LRBA: variants seen among roughly 807,000 people sequenced by gnomAD.
The protein encoded by LRBA is lipopolysaccharide-responsive and beige-like anchor protein.
LRBA carries 176 observed loss-of-function variants against 330.0 expected under a neutral mutation model. That is an observed-to-expected ratio of 0.53 (90% CI 0.47 to 0.60). LRBA has a LOEUF of 0.60. Among genes scored for constraint, LRBA ranks in the 20% least tolerant of loss-of-function variants. LRBA has a pLI of 0.00. For synonymous variants in LRBA, 1,230 were observed against 1,193.0 expected (o/e 1.03, Z -0.64); for missense variants, 3,259 against 3,444.8 (o/e 0.95, Z 1.35).
chr4:150,726,255 A>G (rs1401403460), intron 36 of LRBA, among the ~76,000 whole-genome samples: 1 of 152,194 alleles, frequency 6.6e-6, no homozygotes, highest in East Asian at 1.9e-4. Flanking sequence ...TAAGAAACAC[A>G]CTTCACCTAT....
In LRBA at chr4:150,848,862, T is replaced by G. The variant is rs1750225948; in HGVS notation, c.4295A>C (p.Lys1432Thr). Residue 1432 changes from lysine (K) to threonine (T), a missense_variant, in exon 26 of 57, where the codon AAA becomes ACA. Transcript: ENST00000651943. Reference protein sequence around the residue: ...SLGFTEIEAEKSMSSGGILRQ... With the variant: ...SLGFTEIEAETSMSSGGILRQ... ...CAAAATTCCTCCAGATGACATACTT[T>G]TTTCAGCTTCAATTTCAGTAAAGCC... The G allele has an allele frequency of 6.2e-7, 1 of 1,612,320 alleles. No homozygotes were observed.
At chr4:150,914,993 T>G (rs1732430755) in intron 8 of LRBA, among the ~76,000 whole-genome samples, 1 of 152,116 alleles carries the variant, frequency 6.6e-6, no homozygotes, top group Non-Finnish European at 1.5e-5. Context: ...GAGCTGAGAT[T>G]CAAACCTAAG....
intron 47 of LRBA, among the ~76,000 whole-genome samples, chr4:150,389,590 T>C (rs938382400): frequency 1.0e-4 from 14 of 138,676 alleles, no homozygotes; most frequent in African/African-American, 3.5e-4. Context: ...ATGCTTGTAA[T>C]CCCAACTTTT....
At chr4:150,976,420 G>A (rs951587293) in intron 2 of LRBA, among the ~76,000 whole-genome samples, 1 of 152,246 alleles carries the variant, frequency 6.6e-6, no homozygotes, top group African/African-American at 2.4e-5. Context: ...TTTCCAAACA[G>A]TTGATTACAT....
chr4:150,471,590 G>T (rs1016406637), intron 43 of LRBA, 34 bp downstream of exon 43: 17 of 1,165,138 alleles, frequency 1.5e-5, no homozygotes, highest in Non-Finnish European at 2.1e-5. Flanking sequence ...ATAATTTATT[G>T]TCTAAAATAA....
At chr4:150,277,528 G>A (rs899177318) in intron 56 of LRBA, among the ~76,000 whole-genome samples, 1 of 152,110 alleles carries the variant, frequency 6.6e-6, no homozygotes, top group Non-Finnish European at 1.5e-5. Context: ...GTCCAAGAGT[G>A]GCAATGTCAT....
intron 14 of LRBA, among the ~76,000 whole-genome samples, chr4:150,899,550 G>C (rs1166621873): frequency 6.6e-6 from 1 of 152,104 alleles, no homozygotes; most frequent in Non-Finnish European, 1.5e-5. Context: ...TGAACTGCTA[G>C]ACATGATGAA....
intron 36 of LRBA, among the ~76,000 whole-genome samples, chr4:150,717,388 A>G (rs1728343387): frequency 6.6e-6 from 1 of 152,070 alleles, no homozygotes; most frequent in Non-Finnish European, 1.5e-5. Context: ...ATAGATTGCT[A>G]TATTTGCCAG....
rs1771683165 is a variant in LRBA at position 150,583,548 on chromosome 4, G to A, written c.6330+4500C>T. The A allele has an allele frequency of 1.2e-6, 2 of 1,613,724 alleles. No individual in the cohort carries two copies. The highest frequency in any genetic ancestry group is 1.7e-5 in the Admixed American group (1 of 60,008). ...GCTATGTGGTGCAAATCACTCCGGC[G>A]TTCAAGTGCACCGGGATCTGGCCTC... On this transcript the variant is annotated intron_variant, in intron 40 of 56. Transcript: ENST00000651943. This position sits in a 1 kb window ranked among gnomAD's most constrained non-coding sequence, Gnocchi z 9.8.
At chr4:150,582,919 G>C (rs762457430) in intron 40 of LRBA, 12 of 1,300,476 alleles carry the variant, frequency 9.2e-6, no homozygotes, top group Non-Finnish European at 1.3e-5. Context: ...AGGGCTTAAC[G>C]GGGAGCGCAC....
chr4:150,996,189 T>C (rs1406877634), intron 2 of LRBA, among the ~76,000 whole-genome samples: 1 of 152,052 alleles, frequency 6.6e-6, no homozygotes, highest in Non-Finnish European at 1.5e-5. Context: ...ACGGTTCAAG[T>C]GAACGTTTAC....
At chr4:150,638,300 T>A (rs1778132895) in intron 37 of LRBA, among the ~76,000 whole-genome samples, 1 of 152,230 alleles carries the variant, frequency 6.6e-6, no homozygotes, top group South Asian at 2.1e-4. Flanking sequence ...GCGCTGGGAT[T>A]ACAGGCGTAA....
chr4:150,451,305 C>T (rs914223435), intron 44 of LRBA, among the ~76,000 whole-genome samples: 6 of 152,104 alleles, frequency 3.9e-5, no homozygotes, highest in Non-Finnish European at 8.8e-5. Flanking sequence ...ATATTCTGAG[C>T]CATCGAACAA....
intron 40 of LRBA, among the ~76,000 whole-genome samples, chr4:150,552,086 G>T (rs2152248564): frequency 6.6e-6 from 1 of 152,222 alleles, no homozygotes; most frequent in South Asian, 2.1e-4. Context: ...GCACCCCTAT[G>T]AAAATCTAAT....
intron 35 of LRBA, among the ~76,000 whole-genome samples, chr4:150,754,552 A>AG (rs1212154497): frequency 6.8e-6 from 1 of 147,302 alleles, no homozygotes; most frequent in Admixed American, 6.8e-5. Flanking sequence ...AGAGAGAGAG[A>AG]GAGATAAAGT....
At chr4:150,901,047 C>T (rs1330018439) in intron 13 of LRBA, among the ~76,000 whole-genome samples, 1 of 152,148 alleles carries the variant, frequency 6.6e-6, no homozygotes, top group African/African-American at 2.4e-5. Context: ...CCTGTAATTT[C>T]AGCATGTTAG....
intron 56 of LRBA, among the ~76,000 whole-genome samples, chr4:150,271,145 G>A (rs972058695): frequency 2.0e-5 from 3 of 152,174 alleles, no homozygotes; most frequent in African/African-American, 7.2e-5. Context: ...GGCTGTGAGG[G>A]ACTGTGCCAT....
intron 47 of LRBA, among the ~76,000 whole-genome samples, chr4:150,379,377 G>T (rs1226559056): frequency 2.1e-5 from 3 of 140,770 alleles, no homozygotes; most frequent in African/African-American, 7.9e-5. Flanking sequence ...TCCATAATTA[G>T]AAATATCACC....
chr4:150,452,538 C>T (rs1282103223), intron 44 of LRBA, among the ~76,000 whole-genome samples: 1 of 151,356 alleles, frequency 6.6e-6, no homozygotes, highest in Non-Finnish European at 1.5e-5. Flanking sequence ...AGGAGAATCG[C>T]TTGAACCCGG....
Sources: allele counts gnomAD v4.1 joint callset (sites outside exome capture counted in the v4.1 genomes callset), GRCh38; gene constraint gnomAD v4.1.1; non-coding constraint Gnocchi (gnomAD v3.1); transcripts MANE v1.5; gene names NCBI Gene and HGNC (gene_info 2026-07-23, HGNC 2026-07-21).